Variants in ASIC2 observed in about 807,000 individuals in gnomAD.
ASIC2 encodes the protein acid-sensing ion channel 2.
A neutral mutation model predicts 57.3 loss-of-function variants in ASIC2; 25 were observed. That is an observed-to-expected ratio of 0.44 (90% CI 0.32 to 0.61). The LOEUF is 0.61. Among genes scored for constraint, ASIC2 ranks in the 20% least tolerant of loss-of-function variants. The pLI is 0.06. For synonymous variants in ASIC2, 319 were observed against 307.5 expected (o/e 1.04, Z -0.39); for missense variants, 641 against 738.1 (o/e 0.87, Z 1.52).
chr17:33,944,947 C>G (rs11868730), intron 1 of ASIC2, among the ~76,000 whole-genome samples: 51,405 of 151,976 alleles, frequency 0.34, 8,803 homozygotes, highest in African/African-American at 0.37. Context: ...CATTGGTTCC[C>G]CAATAGAAAA....
At chr17:33,904,201 G>C (rs1350833204) in intron 1 of ASIC2, among the ~76,000 whole-genome samples, 1 of 141,212 alleles carries the variant, frequency 7.1e-6, no homozygotes, top group Non-Finnish European at 1.5e-5. Flanking sequence ...TTATAGCTAT[G>C]ATGATGAGAA....
At chr17:34,037,542 C>T (rs1047652094) in intron 1 of ASIC2, 35 of 1,334,622 alleles carry the variant, frequency 2.6e-5, no homozygotes, top group Admixed American at 4.7e-5. Flanking sequence ...CATTCGGATT[C>T]GCTATGTTCC....
chr17:33,134,594 C>T (rs945342990), intron 1 of ASIC2, among the ~76,000 whole-genome samples: 3 of 152,256 alleles, frequency 2.0e-5, no homozygotes, highest in Non-Finnish European at 4.4e-5. Flanking sequence ...AAGAAAGTTT[C>T]CCAGCTTGCT....
chr17:33,596,631 C>A (rs748519006), intron 1 of ASIC2, among the ~76,000 whole-genome samples: 26 of 152,142 alleles, frequency 1.7e-4, no homozygotes, highest in Non-Finnish European at 3.1e-4. Flanking sequence ...CCTCCCAACC[C>A]CCAGGAGACA....
At chr17:33,042,762 G>C (rs2091934559) in intron 3 of ASIC2, among the ~76,000 whole-genome samples, 1 of 152,172 alleles carries the variant, frequency 6.6e-6, no homozygotes, top group Non-Finnish European at 1.5e-5. Context: ...CAGCAGGGTG[G>C]AGTCCACAGG....
At chr17:33,684,534 T>G (rs1785754054) in intron 1 of ASIC2, among the ~76,000 whole-genome samples, 1 of 152,218 alleles carries the variant, frequency 6.6e-6, no homozygotes, top group Non-Finnish European at 1.5e-5. Flanking sequence ...ACTTCCCAAG[T>G]GCAGAAGAAA....
intron 1 of ASIC2, among the ~76,000 whole-genome samples, chr17:34,017,833 A>C (rs1327440599): frequency 1.3e-5 from 2 of 152,224 alleles, no homozygotes; most frequent in Non-Finnish European, 2.9e-5. Context: ...AAGCTAGCAA[A>C]AGTTGGTTCA....
At chr17:33,770,350 A>T (rs1168565732) in intron 1 of ASIC2, among the ~76,000 whole-genome samples, 4 of 152,210 alleles carry the variant, frequency 2.6e-5, no homozygotes, top group African/African-American at 9.7e-5. Flanking sequence ...AGCTGGCCTC[A>T]TACAGTTGGT....
chr17:33,651,064 A>G (rs1906903586), intron 1 of ASIC2, among the ~76,000 whole-genome samples: 1 of 152,134 alleles, frequency 6.6e-6, no homozygotes, highest in South Asian at 2.1e-4. Context: ...GTATTTTAAG[A>G]TAGAAAGTTT....
Position 33,292,121 on chromosome 17 carries a change from C to A in ASIC2, c.-6G>T. ...GCTCCGCCAATCCGGCTCATTCATTCAGCCCGCGGCTGGCGGCAGCGGCGG... is the reference window on the plus strand; with the variant it reads ...GCTCCGCCAATCCGGCTCATTCATTAAGCCCGCGGCTGGCGGCAGCGGCGG... On this transcript the variant is annotated 5_prime_UTR_variant, in exon 1 of 10. It introduces an in-frame stop codon into an upstream open reading frame of the 5' UTR. Coordinates refer to ENST00000225823, the MANE Select transcript of ASIC2 (RefSeq NM_183377.2). The A allele has an allele frequency of 9.6e-7, 1 of 1,039,972 alleles. No individual in the cohort carries two copies. Among genetic ancestry groups the A allele is most frequent in the South Asian group, 4.5e-5 (1 of 22,304 alleles). The allele number at this position is 1,039,972 out of a possible 1,614,324, so 64.4% of individuals were successfully genotyped here. A position where few individuals can be genotyped will look rare whatever the true frequency, so the allele number is the denominator to read the frequency against.
At chr17:34,037,637 T>C (rs1423255403) in intron 1 of ASIC2, 8 of 1,607,026 alleles carry the variant, frequency 5.0e-6, no homozygotes, top group Non-Finnish European at 6.8e-6. Flanking sequence ...AGAAGAACTG[T>C]TATTGGACGC....
intron 1 of ASIC2, among the ~76,000 whole-genome samples, chr17:33,136,424 A>C (rs1448200921): frequency 6.6e-6 from 1 of 152,236 alleles, no homozygotes. Context: ...TGCATGCTTG[A>C]ATATCTGAGT....
chr17:33,910,823 T>C (rs1915446449), intron 1 of ASIC2, among the ~76,000 whole-genome samples: 1 of 152,142 alleles, frequency 6.6e-6, no homozygotes, highest in Non-Finnish European at 1.5e-5. Context: ...CCTCAGGGTG[T>C]TGGGGAAGGC....
At chr17:33,340,363 A>G (rs1187763659) in intron 1 of ASIC2, among the ~76,000 whole-genome samples, 1 of 152,172 alleles carries the variant, frequency 6.6e-6, no homozygotes, top group Non-Finnish European at 1.5e-5. Context: ...CAAAGTAGGG[A>G]TGATAATTAT....
chr17:34,067,365 A>C (rs1044402710), intron 1 of ASIC2, among the ~76,000 whole-genome samples: 7 of 152,236 alleles, frequency 4.6e-5, no homozygotes, highest in Non-Finnish European at 7.3e-5. Context: ...CTGAAATTTA[A>C]AGGAAAGCAA....
chr17:33,999,749 A>C (rs1483993956), intron 1 of ASIC2, among the ~76,000 whole-genome samples: 1 of 152,094 alleles, frequency 6.6e-6, no homozygotes, highest in African/African-American at 2.4e-5. Flanking sequence ...AGTTATTTTA[A>C]TATCTTTTCC....
intron 1 of ASIC2, among the ~76,000 whole-genome samples, chr17:33,678,435 CCACACACACACACACA>C (rs71144896): frequency 0.03 from 4,124 of 139,586 alleles, 197 homozygotes; most frequent in African/African-American, 0.1. Context: ...CTGGTTCAAT[CCACACACACACACACA>C]CACACACACA....
intron 1 of ASIC2, among the ~76,000 whole-genome samples, chr17:33,165,978 G>C (rs1016689751): frequency 2.0e-5 from 3 of 152,090 alleles, no homozygotes; most frequent in African/African-American, 7.2e-5. Context: ...AAGAATAAAA[G>C]ACTTACACCA....
chr17:33,860,773 A>G (rs1333794660), intron 1 of ASIC2, among the ~76,000 whole-genome samples: 1 of 152,242 alleles, frequency 6.6e-6, no homozygotes, highest in East Asian at 1.9e-4. Flanking sequence ...TAAATAGTCT[A>G]TCAGTCATGT....
Sources: gnomAD v4.1 joint callset for allele counts (sites outside exome capture counted in the v4.1 genomes callset) on GRCh38, gnomAD v4.1.1 for gene constraint, MANE v1.5 for transcripts, NCBI Gene and HGNC (gene_info 2026-07-23, HGNC 2026-07-21) for gene names.